EPHA4: variants seen among roughly 807,000 people sequenced by gnomAD.
EPHA4 encodes ephrin type-A receptor 4.
EPHA4 carries 19 observed loss-of-function variants against 108.3 expected under a neutral mutation model. The observed-to-expected ratio is 0.18, with a 90% CI of 0.12 to 0.26. The LOEUF (loss-of-function observed/expected upper bound fraction) is 0.26, where lower values mean the gene tolerates loss of function less well. Among genes scored for constraint, EPHA4 ranks in the 10% least tolerant of loss-of-function variants. The pLI is 1.00. For missense variants in EPHA4, 917 were observed against 1,254.0 expected (o/e 0.73, Z 4.06); for synonymous variants, 449 against 455.5 (o/e 0.99, Z 0.18).
At chr2:221,493,630 T>C (rs530119850) in intron 4 of EPHA4, among the ~76,000 whole-genome samples, 1 of 152,312 alleles carries the variant, frequency 6.6e-6, no homozygotes, top group East Asian at 1.9e-4. Flanking sequence ...GCTCATTATG[T>C]TGATAACTGT....
At chr2:221,528,828 C>T (rs1368396666) in intron 3 of EPHA4, among the ~76,000 whole-genome samples, 1 of 152,180 alleles carries the variant, frequency 6.6e-6, no homozygotes, top group Non-Finnish European at 1.5e-5. Context: ...AAATAGGCTA[C>T]ATTCCAGATT....
chr2:221,485,596 T>C (rs1445123073), intron 4 of EPHA4, among the ~76,000 whole-genome samples: 2 of 152,134 alleles, frequency 1.3e-5, no homozygotes, highest in Admixed American at 1.3e-4. Context: ...GACTATGATG[T>C]TGGTCTGGAA....
chr2:221,509,779 G>A (rs1014993266), intron 3 of EPHA4, among the ~76,000 whole-genome samples: 1 of 152,116 alleles, frequency 6.6e-6, no homozygotes, highest in Admixed American at 6.6e-5. Flanking sequence ...CAAATCAAAG[G>A]TGATTTTCTG....
At chr2:221,512,679 C>T (rs556055464) in intron 3 of EPHA4, among the ~76,000 whole-genome samples, 1 of 152,202 alleles carries the variant, frequency 6.6e-6, no homozygotes, top group East Asian at 1.9e-4. Context: ...ATTTAATACA[C>T]GGGTCTATGC....
intron 3 of EPHA4, among the ~76,000 whole-genome samples, chr2:221,540,452 C>T (rs777194085): frequency 3.5e-4 from 53 of 152,126 alleles, no homozygotes; most frequent in Non-Finnish European, 5.9e-4. Context: ...TGATCAAATA[C>T]GCCAGTTTTG....
intron 3 of EPHA4, among the ~76,000 whole-genome samples, chr2:221,525,203 C>G (rs1693286070): frequency 6.6e-6 from 1 of 152,218 alleles, no homozygotes; most frequent in South Asian, 2.1e-4. Flanking sequence ...AGCTGCAAAT[C>G]ATCTGTCCCC....
intron 3 of EPHA4, chr2:221,502,592 C>G: frequency 2.1e-6 from 1 of 471,218 alleles, no homozygotes; most frequent in Non-Finnish European, 4.4e-6. Flanking sequence ...GGGCCATCAT[C>G]TCACTGTCAC....
chr2:221,426,674 G>C (rs955673831), intron 15 of EPHA4, 55 bp from the exon 16 acceptor site: 1 of 1,517,244 alleles, frequency 6.6e-7, no homozygotes, highest in South Asian at 1.2e-5. Flanking sequence ...GAGACAAGAA[G>C]ACTCAGAAAT....
chr2:221,430,307 A>G (rs1297600320), intron 14 of EPHA4, among the ~76,000 whole-genome samples, 156 bp from the exon 15 acceptor site: 2 of 152,160 alleles, frequency 1.3e-5, no homozygotes, highest in Non-Finnish European at 2.9e-5. Flanking sequence ...GCTAGACCTG[A>G]GTATCACTGG....
At chr2:221,515,314 C>A (rs539326534) in intron 3 of EPHA4, among the ~76,000 whole-genome samples, 1 of 152,202 alleles carries the variant, frequency 6.6e-6, no homozygotes, top group Admixed American at 6.5e-5. Flanking sequence ...AGGCTGGTCT[C>A]GAACTCCCAA....
At chr2:221,428,208 G>T (rs193218152) in intron 15 of EPHA4, among the ~76,000 whole-genome samples, 2 of 152,104 alleles carry the variant, frequency 1.3e-5, no homozygotes, top group African/African-American at 4.8e-5. Flanking sequence ...TCTGAGCACC[G>T]ACAAGGTCAA....
In EPHA4 at chr2:221,553,883, C is replaced by T. The variant is rs556135803; in HGVS notation, c.823+9848G>A. 1.6e-4 allele frequency among the ~76,000 whole-genome samples: 24 copies of T among 152,278 alleles called. 2 individuals carry two copies. The highest frequency in any genetic ancestry group is 5.8e-4 in the African/African-American group (24 of 41,568). ...CCCAGCACTTCATAGTTTAAAAATA[C>T]AAGCAAACAGGATTATCTGGGTAAT... On this transcript the variant is annotated intron_variant, in intron 3 of 17. Coordinates refer to ENST00000281821, the MANE Select transcript of EPHA4 (RefSeq NM_004438.5).
At chr2:221,458,962 A>G (rs1229106606) in intron 5 of EPHA4, among the ~76,000 whole-genome samples, 1 of 152,166 alleles carries the variant, frequency 6.6e-6, no homozygotes, top group Non-Finnish European at 1.5e-5. Context: ...CAAACTGGGG[A>G]AACAAATGTC....
chr2:221,449,013 T>C (rs1690684635), intron 8 of EPHA4, among the ~76,000 whole-genome samples: 1 of 152,194 alleles, frequency 6.6e-6, no homozygotes, highest in African/African-American at 2.4e-5. Context: ...TTCCTCAGAC[T>C]TCTAAACATA....
At chr2:221,500,485 T>C (rs1692456156) in intron 4 of EPHA4, among the ~76,000 whole-genome samples, 1 of 152,226 alleles carries the variant, frequency 6.6e-6, no homozygotes, top group Non-Finnish European at 1.5e-5. Flanking sequence ...ATCCATTCAT[T>C]AACCCAGCAT....
intron 5 of EPHA4, among the ~76,000 whole-genome samples, chr2:221,468,051 G>T (rs1210641802): frequency 6.6e-6 from 1 of 152,032 alleles, no homozygotes; most frequent in Non-Finnish European, 1.5e-5. Flanking sequence ...TTCTCTGAAT[G>T]CTTCTAGTGA....
Position 221,500,935 on chromosome 2 carries a change from A to C in EPHA4, c.979+82T>G, listed in dbSNP as rs552201037. 2.6e-4 allele frequency: 372 copies of C among 1,405,260 alleles called. 3 individuals are homozygous for C. In the African/African-American group the frequency reaches 4.6e-3, roughly 18 times the overall value. 87.0% of individuals were successfully genotyped at this position (1,405,260 alleles called of 1,614,324 possible). On this transcript the variant is annotated intron_variant, in intron 4 of 17. Coordinates refer to ENST00000281821, the MANE Select transcript of EPHA4 (RefSeq NM_004438.5). ...CAAGTGCCCCCTGAATGATTATCCC[A>C]GGAGAAGACCTGGCAGTGCCTTGCT...
At chr2:221,514,946 A>C (rs1692946110) in intron 3 of EPHA4, among the ~76,000 whole-genome samples, 1 of 152,196 alleles carries the variant, frequency 6.6e-6, no homozygotes, top group Non-Finnish European at 1.5e-5. Context: ...AAAGAACAGC[A>C]TGTCACTAAC....
At chr2:221,475,300 G>C (rs1316204306) in intron 5 of EPHA4, among the ~76,000 whole-genome samples, 1 of 152,192 alleles carries the variant, frequency 6.6e-6, no homozygotes. Flanking sequence ...ATTTAAATCT[G>C]AGTGCCAATG....
Sources: gnomAD v4.1 joint callset for allele counts (sites outside exome capture counted in the v4.1 genomes callset) on GRCh38, gnomAD v4.1.1 for gene constraint, MANE v1.5 for transcripts, NCBI Gene and HGNC (gene_info 2026-07-23, HGNC 2026-07-21) for gene names.